Variants in TACC3 observed in about 807,000 individuals in gnomAD.
The protein encoded by TACC3 is transforming acidic coiled-coil-containing protein 3.
Under a neutral mutation model 86.0 loss-of-function variants are expected in TACC3, and 52 were observed. The observed-to-expected ratio is 0.60, with a 90% confidence interval of 0.48 to 0.76. TACC3 has a LOEUF of 0.76. Ranked by LOEUF, TACC3 falls within the 30% of genes least tolerant of loss-of-function variation. The probability of loss-of-function intolerance (pLI) is 0.00; values close to 1 mark genes in which losing one functional copy is unlikely to be tolerated. For synonymous variants in TACC3, 512 were observed against 430.0 expected (o/e 1.19, Z -2.36); for missense variants, 1,120 against 1,070.4 (o/e 1.05, Z -0.65).
chr4:1,739,738 A>G lies in TACC3; in HGVS notation c.1978A>G (p.Ser660Gly), dbSNP rs768274329. Residue 660 changes from serine (S) to glycine (G), a missense_variant, in exon 11 of 16, where the codon AGC becomes GGC. Ser to Gly is a moderately conservative substitution (Grantham distance 56). Coordinates refer to ENST00000313288, the MANE Select transcript of TACC3 (RefSeq NM_006342.3). ...ATQEENRELR[S>G]RCEELHGKNL... is the part of the protein sequence containing the mutation. The stretch of plus-strand genomic sequence containing the variant: ...ACAGGAGGAGAACCGGGAGCTGAGG[A>G]GCAGGTGTGAGGAGCTCCACGGGAA... 1.9e-6 allele frequency: 3 copies of G among 1,588,370 alleles called. No individual in the cohort carries two copies. The highest frequency in any genetic ancestry group is 1.8e-5 in the Admixed American group (1 of 55,942).
chr4:1,744,024 A>G (rs28521716), intron 13 of TACC3, among the ~76,000 whole-genome samples: 117,624 of 151,966 alleles, frequency 0.77, 45,682 homozygotes, highest in East Asian at 0.86. Context: ...CCACTCGGGG[A>G]CCCAGGAACC....
intron 4 of TACC3, among the ~76,000 whole-genome samples, chr4:1,729,789 T>C (rs1717906833): frequency 6.6e-6 from 1 of 151,864 alleles, no homozygotes; most frequent in African/African-American, 2.4e-5. Context: ...CTTCTCTAAC[T>C]CCCCCAGGGA....
chr4:1,742,094 C>T (rs925770207), intron 13 of TACC3: 7 of 152,156 alleles, frequency 4.6e-5, no homozygotes, highest in African/African-American at 1.7e-4. Flanking sequence ...AGACCCCCAT[C>T]TCTAAAATTA....
At chr4:1,740,380 TC>T in intron 12 of TACC3, 1 of 373,946 alleles carries the variant, frequency 2.7e-6, no homozygotes, top group Admixed American at 4.3e-5. Context: ...ACACCAGGCC[TC>T]ATCTGGCCTC....
At chr4:1,721,144 G>T, upstream of TACC3, 1 of 225,452 alleles carries the variant, frequency 4.4e-6, no homozygotes, top group Non-Finnish European at 8.4e-6. Flanking sequence ...TGCAGTCCCC[G>T]TGCGGGTGCG....
chr4:1,732,222 T>C (rs976106005), intron 6 of TACC3, among the ~76,000 whole-genome samples: 1 of 150,522 alleles, frequency 6.6e-6, no homozygotes, highest in African/African-American at 2.5e-5. Flanking sequence ...ATAAATACGG[T>C]TTGTCCGTAA....
intron 3 of TACC3, among the ~76,000 whole-genome samples, chr4:1,724,942 T>TA (rs989119547): frequency 6.8e-6 from 1 of 147,076 alleles, no homozygotes; most frequent in Non-Finnish European, 1.5e-5. Flanking sequence ...TTTTTTTTTT[T>TA]TTTTTTTACA....
At chr4:1,733,780 T>C (rs1226368852) in intron 6 of TACC3, among the ~76,000 whole-genome samples, 2 of 152,110 alleles carry the variant, frequency 1.3e-5, no homozygotes, top group East Asian at 3.9e-4. Flanking sequence ...GAGTTTGAGA[T>C]CAGCCTGGCC....
Position 1,723,833 on chromosome 4 carries a change from C to T in TACC3, c.268C>T (p.Leu90=). The change falls in exon 3 of 16, where the codon CTG becomes TTG. Residue 90 remains leucine, a synonymous_variant. Coordinates refer to ENST00000313288, the MANE Select transcript of TACC3 (RefSeq NM_006342.3). ...APFTQDDTLG[L]ENSHPVWTQK... The stretch of plus-strand genomic sequence containing the variant: ...TTTCACTCAGGATGACACCCTTGGA[C>T]TGGAAAACTCACACCCGGTCTGGAC... The T allele has an allele frequency of 6.2e-7, 1 of 1,613,580 alleles. No homozygotes were observed. Among genetic ancestry groups the T allele is most frequent in the Middle Eastern group, 1.6e-4 (1 of 6,062 alleles).
rs1718349784 is a variant in TACC3 at position 1,737,639 on chromosome 4, A to C, written c.1878A>C (p.Pro626=). Residue 626 remains proline (P), a synonymous_variant, in exon 10 of 16, where the codon CCA becomes CCC. Coordinates refer to ENST00000313288, the MANE Select transcript of TACC3 (RefSeq NM_006342.3). Reference sequence around the variant, plus strand: ...CAGGTGTTCCCGCGCCTGGGGGCCCACCCCTGTCCACCGGACCTATAGTGG... The same window carrying C: ...CAGGTGTTCCCGCGCCTGGGGGCCCCCCCCTGTCCACCGGACCTATAGTGG... ...PPPGVPAPGG[P]PLSTGPIVDL... 4.5e-6 allele frequency: 7 copies of C among 1,538,808 alleles called. No homozygotes were observed. In the South Asian group the frequency reaches 6.0e-5, roughly 13 times the overall value.
At position 1,728,354 on chromosome 4, in the gene TACC3, C is replaced by A; in HGVS notation, c.952C>A (p.Pro318Thr). 6.2e-7 allele frequency: 1 copy of A among 1,613,146 alleles called. No homozygotes were observed. Among genetic ancestry groups the A allele is most frequent in the Non-Finnish European group, 8.5e-7 (1 of 1,180,030 alleles). Reference sequence around the variant, plus strand: ...GGCTGGCAGGGCCATGACCCTGAGTCCTCAGGAAGAAGTGGCTGCAGGCCA... The same window carrying A: ...GGCTGGCAGGGCCATGACCCTGAGTACTCAGGAAGAAGTGGCTGCAGGCCA... Reference protein sequence around the residue: ...LVAGRAMTLSPQEEVAAGQMA... With the variant: ...LVAGRAMTLSTQEEVAAGQMA... Residue 318 changes from proline (P) to threonine (T), a missense_variant, in exon 4 of 16, where the codon CCT (proline) becomes ACT (threonine). Coordinates refer to ENST00000313288, the MANE Select transcript of TACC3 (RefSeq NM_006342.3).
intron 6 of TACC3, among the ~76,000 whole-genome samples, chr4:1,732,832 C>T (rs1210878887): frequency 1.3e-5 from 2 of 152,246 alleles, no homozygotes; most frequent in Non-Finnish European, 2.9e-5. Flanking sequence ...TTCACATCAT[C>T]TTATCCATTC....
Position 1,744,696 on chromosome 4 carries a change from G to C in TACC3, c.2331-16G>C, listed in dbSNP as rs199503663. On this transcript the variant is annotated splice_polypyrimidine_tract_variant and intron_variant, in intron 14 of 15. Transcript: ENST00000313288. ...TGGGCCCCAGCTCAGCCTCTGCCCC[G>C]CCCCTACCCCTCCAGGGCAAACGAG... The C allele has an allele frequency of 8.1e-6, 13 of 1,612,240 alleles. No homozygotes were observed. The highest frequency in any genetic ancestry group is 1.0e-5 in the Non-Finnish European group (12 of 1,179,838).
rs1331373040 is a variant in TACC3 at position 1,728,209 on chromosome 4, T to C, written c.807T>C (p.Pro269=). 1 of 1,611,926 alleles carries C rather than the reference T, an allele frequency of 6.2e-7. No individual in the cohort carries two copies. Residue 269 remains proline, a synonymous_variant, in exon 4 of 16, where the codon CCT becomes CCC. Transcript: ENST00000313288. ...GAGGAGCACCCCTGCAGGGTCTGCC[T>C]GGCGAAGCCCTGGGCTGCCCTGCGG... ...ACGGAPLQGL[P]GEALGCPAGV...
rs191740511 is a variant in TACC3, at chr4:1,740,318, G to A, written c.2062+316G>A. 3.1e-3 allele frequency: 1,549 copies of A among 502,852 alleles called. 6 individuals are homozygous for A. The highest frequency in any genetic ancestry group is 4.8e-3 in the Non-Finnish European group (1,350 of 278,916). 31.1% of individuals were successfully genotyped at this position (502,852 alleles called of 1,614,324 possible). The stretch of plus-strand genomic sequence containing the variant: ...GCCTACCCCACTCCACCCTGCCCTC[G>A]CCGTGCGGCTATGTCTAGCAGCAGC... On this transcript the variant is annotated intron_variant, in intron 12 of 15. Transcript: ENST00000313288.
intron 9 of TACC3, 36 bp from the exon 10 acceptor site, chr4:1,737,562 C>A: frequency 6.9e-7 from 1 of 1,454,224 alleles, no homozygotes; most frequent in Non-Finnish European, 9.2e-7. Flanking sequence ...GAGGCAAGGG[C>A]GAAATGGGTT....
rs201463143 is a variant in TACC3, at chr4:1,740,012, C to A, written c.2062+10C>A. 3 of 1,612,830 alleles carry A rather than the reference C, an allele frequency of 1.9e-6. No individual in the cohort carries two copies. Among genetic ancestry groups the A allele is most frequent in the Admixed American group, 3.3e-5 (2 of 60,022 alleles). On this transcript the variant is annotated intron_variant, in intron 12 of 15. Transcript: ENST00000313288. ...GTGTACCAGGCCATGGGTGAGTGCC[C>A]GGGCCACCGAGGCCACGTGCCTCCA...
chr4:1,731,336 G>A, intron 6 of TACC3, 35 bp downstream of exon 6: 2 of 1,600,996 alleles, frequency 1.2e-6, no homozygotes, highest in Non-Finnish European at 8.5e-7. Context: ...CACACAGTCT[G>A]CCCGGAGGGG....
At chr4:1,721,339 C>T (rs1385885565), upstream of TACC3, 1 of 150,194 alleles carries the variant, frequency 6.7e-6, no homozygotes, top group Non-Finnish European at 1.5e-5. Flanking sequence ...GGCGTGCCCT[C>T]CACTCCGGAA....
Sources: gnomAD v4.1 joint callset for allele counts (sites outside exome capture counted in the v4.1 genomes callset) on GRCh38, gnomAD v4.1.1 for gene constraint, MANE v1.5 for transcripts, NCBI Gene and HGNC (gene_info 2026-07-23, HGNC 2026-07-21) for gene names.